PRKCB: variants seen among roughly 807,000 people sequenced by gnomAD.
The protein encoded by PRKCB is protein kinase C beta type.
In PRKCB, 13 loss-of-function variants were observed where a neutral mutation model predicts 81.5. The observed-to-expected ratio is 0.16, with a 90% CI of 0.10 to 0.25. The LOEUF is 0.25. PRKCB is among the 10% of genes least tolerant of loss of function. The pLI is 1.00. For missense variants in PRKCB, 509 were observed against 875.7 expected (o/e 0.58, Z 5.29); for synonymous variants, 335 against 321.4 (o/e 1.04, Z -0.45).
At chr16:24,080,342 T>G (rs1966233472) in intron 5 of PRKCB, among the ~76,000 whole-genome samples, 1 of 152,178 alleles carries the variant, frequency 6.6e-6, no homozygotes, top group South Asian at 2.1e-4. Flanking sequence ...ATATGAATAG[T>G]AGGGACTCAG....
intron 5 of PRKCB, among the ~76,000 whole-genome samples, chr16:24,057,235 G>A (rs1965914096): frequency 6.6e-6 from 1 of 152,178 alleles, no homozygotes; most frequent in Non-Finnish European, 1.5e-5. Flanking sequence ...GGTCCCATTA[G>A]ATCCCCATGT....
chr16:23,931,134 C>T (rs930102905), intron 2 of PRKCB, among the ~76,000 whole-genome samples: 8 of 152,326 alleles, frequency 5.3e-5, no homozygotes, highest in South Asian at 2.1e-4. Context: ...AGTGAAGACA[C>T]GCTCAAAGAC....
chr16:24,122,468 T>TTTTTTTTTTTTTTTTTTTTTTC (rs1555498212), intron 8 of PRKCB, among the ~76,000 whole-genome samples: 2 of 138,930 alleles, frequency 1.4e-5, no homozygotes, highest in African/African-American at 6.6e-5. Flanking sequence ...TTTTTTTTTT[T>TTTTTTTTTTTTTTTTTTTTTTC]AGTGAGAGAG....
intron 2 of PRKCB, among the ~76,000 whole-genome samples, chr16:23,965,658 C>T (rs1170682266): frequency 2.0e-5 from 3 of 152,198 alleles, no homozygotes; most frequent in Non-Finnish European, 2.9e-5. Context: ...AATGCAACAT[C>T]GCTGTGAAAG....
At chr16:23,866,341 A>G (rs1962790163) in intron 2 of PRKCB, among the ~76,000 whole-genome samples, 1 of 152,222 alleles carries the variant, frequency 6.6e-6, no homozygotes, top group Non-Finnish European at 1.5e-5. Flanking sequence ...CATAGATGAT[A>G]TAGTGACATT....
chr16:23,977,266 C>T (rs1964638250), intron 2 of PRKCB, among the ~76,000 whole-genome samples: 1 of 152,140 alleles, frequency 6.6e-6, no homozygotes, highest in Non-Finnish European at 1.5e-5. Flanking sequence ...CAGACCCTCC[C>T]AGATGTGTTA....
intron 2 of PRKCB, among the ~76,000 whole-genome samples, chr16:23,879,730 G>A (rs1318439069): frequency 6.6e-6 from 1 of 152,108 alleles, no homozygotes; most frequent in Non-Finnish European, 1.5e-5. Flanking sequence ...CTGACCTCAA[G>A]TGATCCGCCC....
Position 24,081,213 on chromosome 16 carries a change from T to C in PRKCB, c.530-11578T>C, listed in dbSNP as rs778430440. 3.3e-4 allele frequency among the ~76,000 whole-genome samples: 50 copies of C among 151,608 alleles called. 1 individual carries two copies. The highest frequency in any genetic ancestry group is 6.3e-4 in the Non-Finnish European group (43 of 67,936). ...AATTCAGCAATATATAAATGAAAAA[T>C]ACACTCCGTCCAAATGAGTTTTATC... On this transcript the variant is annotated intron_variant, in intron 5 of 16. Transcript: ENST00000643927.
At chr16:24,188,326 G>A (rs1409565817) in intron 15 of PRKCB, among the ~76,000 whole-genome samples, 1 of 152,208 alleles carries the variant, frequency 6.6e-6, no homozygotes, top group Non-Finnish European at 1.5e-5. Context: ...GGAACAGCGA[G>A]CCCCAGGGGA....
At chr16:23,891,184 G>A (rs1251700811) in intron 2 of PRKCB, among the ~76,000 whole-genome samples, 2 of 151,912 alleles carry the variant, frequency 1.3e-5, no homozygotes, top group Non-Finnish European at 2.9e-5. Context: ...CTACAGGCAT[G>A]TGCCACCATA....
rs551650891 is a variant in PRKCB, at chr16:24,049,242, C to T, written c.529+13695C>T. ...GCAACCCTGTCCCACCCTGGACCTG[C>T]ACCCTTTACCACTACCCTGGCACAT... On this transcript the variant is annotated intron_variant, in intron 5 of 16. Coordinates refer to ENST00000643927, the MANE Select transcript of PRKCB (RefSeq NM_002738.7). Among the ~76,000 whole-genome samples, 5 of 151,350 alleles carry T rather than the reference C, an allele frequency of 3.3e-5. No individual in the cohort carries two copies. The South Asian group carries it at 1.0e-3, about 32-fold the overall frequency.
intron 16 of PRKCB, among the ~76,000 whole-genome samples, chr16:24,194,055 A>G (rs1967839423): frequency 6.6e-6 from 1 of 152,146 alleles, no homozygotes. Context: ...GGCTGGGTAT[A>G]GTGGCTCACA....
intron 7 of PRKCB, among the ~76,000 whole-genome samples, chr16:24,107,412 T>A (rs1385947571): frequency 1.3e-5 from 2 of 152,200 alleles, no homozygotes; most frequent in African/African-American, 4.8e-5. Flanking sequence ...ACATTTCATA[T>A]CTGGATAAAG....
chr16:23,837,663 G>T (rs1026711585), intron 2 of PRKCB, among the ~76,000 whole-genome samples: 25 of 152,110 alleles, frequency 1.6e-4, no homozygotes, highest in Middle Eastern at 3.2e-3. Flanking sequence ...GAGTCAAAGC[G>T]GTCTCCTGAA....
chr16:24,021,341 T>C lies in PRKCB; in HGVS notation c.289-10795T>C, dbSNP rs989323496. ...TTCCTTCCTTCCTTCCTTCCTTCCT[T>C]CCTTCCTTCCTTCCTCCTTCCCTCC... On this transcript the variant is annotated intron_variant, in intron 3 of 16. Coordinates refer to ENST00000643927, the MANE Select transcript of PRKCB (RefSeq NM_002738.7). Among the ~76,000 whole-genome samples the C allele has an allele frequency of 4.0e-4, 17 of 42,418 alleles. 2 individuals carry two copies. The highest frequency in any genetic ancestry group is 1.8e-3 in the South Asian group (1 of 566). The allele number at this position is 42,418 out of a possible 152,430, so 27.8% of individuals were successfully genotyped here.
chr16:24,186,558 G>A (rs1213696725), intron 15 of PRKCB, among the ~76,000 whole-genome samples: 1 of 152,202 alleles, frequency 6.6e-6, no homozygotes, highest in Non-Finnish European at 1.5e-5. Context: ...TTAATCAGTG[G>A]GTTCCCACCT....
intron 2 of PRKCB, among the ~76,000 whole-genome samples, chr16:23,927,725 G>A (rs923043105): frequency 3.3e-5 from 5 of 152,022 alleles, no homozygotes; most frequent in African/African-American, 1.2e-4. Flanking sequence ...TGGCGTGGGA[G>A]GAATGAGAAA....
At chr16:24,212,446 C>T (rs1370877922) in intron 16 of PRKCB, among the ~76,000 whole-genome samples, 2 of 137,724 alleles carry the variant, frequency 1.5e-5, no homozygotes, top group South Asian at 2.3e-4. Flanking sequence ...CTCTCTCCTC[C>T]TGTGCTTTTT....
At chr16:23,890,353 T>C (rs1466582539) in intron 2 of PRKCB, among the ~76,000 whole-genome samples, 4 of 152,228 alleles carry the variant, frequency 2.6e-5, no homozygotes, top group Admixed American at 2.6e-4. Context: ...CAAGTCTTGC[T>C]CCTCTTCCTC....
Sources: allele counts gnomAD v4.1 joint callset (sites outside exome capture counted in the v4.1 genomes callset), GRCh38; gene constraint gnomAD v4.1.1; transcripts MANE v1.5; gene names NCBI Gene and HGNC (gene_info 2026-07-23, HGNC 2026-07-21).